The following CLASP1 variants were observed in gnomAD, a reference collection of about 807,000 sequenced individuals.
CLASP1 encodes CLIP-associating protein 1.
Under a neutral mutation model 192.3 loss-of-function variants are expected in CLASP1, and 38 were observed. The ratio of observed to expected loss-of-function variants is 0.20; its 90% CI spans 0.15 to 0.26. The LOEUF is 0.26. Among genes scored for constraint, CLASP1 ranks in the 10% least tolerant of loss-of-function variants. CLASP1 has a pLI of 1.00. For synonymous variants in CLASP1, 691 were observed against 712.8 expected (o/e 0.97, Z 0.49); for missense variants, 1,433 against 1,932.5 (o/e 0.74, Z 4.85).
chr2:121,406,783 G>T (rs1397241529), intron 25 of CLASP1, among the ~76,000 whole-genome samples: 2 of 152,062 alleles, frequency 1.3e-5, no homozygotes, highest in African/African-American at 4.8e-5. Flanking sequence ...TAGAGATGGG[G>T]TCTCCCTTTG....
chr2:121,530,927 G>GT (rs1323260662), intron 2 of CLASP1: 1 of 699,952 alleles, frequency 1.4e-6, no homozygotes, highest in Non-Finnish European at 2.6e-6. Flanking sequence ...AGCGCATAGT[G>GT]AGGGCAGTAC....
chr2:121,384,507 A>C (rs2072739758), intron 32 of CLASP1, among the ~76,000 whole-genome samples: 1 of 152,092 alleles, frequency 6.6e-6, no homozygotes, highest in South Asian at 2.1e-4. Context: ...ATTTTTAAAC[A>C]ATTATCAGAT....
intron 8 of CLASP1, among the ~76,000 whole-genome samples, chr2:121,500,401 G>A (rs868485966): frequency 4.0e-4 from 42 of 105,652 alleles, no homozygotes; most frequent in Admixed American, 9.5e-4. Flanking sequence ...AGAAAGAAAA[G>A]AAAGAAAGAA....
intron 2 of CLASP1, among the ~76,000 whole-genome samples, chr2:121,540,785 C>A (rs200661201): frequency 0.078 from 6,661 of 85,212 alleles, 182 homozygotes; most frequent in East Asian, 0.2. Context: ...AGACTCCATC[C>A]AAAAAAAAAA....
At chr2:121,435,447 T>C (rs972259350) in intron 19 of CLASP1, among the ~76,000 whole-genome samples, 3 of 152,120 alleles carry the variant, frequency 2.0e-5, no homozygotes, top group Admixed American at 6.5e-5. Flanking sequence ...GCTAATTTTG[T>C]ATTTTTAGTA....
rs1431191518 is a variant in CLASP1 at position 121,530,973 on chromosome 2, A to G, written c.196-648T>C. On this transcript the variant is annotated intron_variant, in intron 2 of 39. Transcript: ENST00000263710. ...TGAACAACACACCCGCATCAACTAGAGCTTTTGCTTTATTTTGGTGCAATT... is the reference window on the plus strand; with the variant it reads ...TGAACAACACACCCGCATCAACTAGGGCTTTTGCTTTATTTTGGTGCAATT... 1.7e-5 allele frequency: 12 copies of G among 700,210 alleles called. No individual in the cohort carries two copies. The highest frequency in any genetic ancestry group is 2.9e-5 in the Non-Finnish European group (11 of 384,830). 43.4% of individuals were successfully genotyped at this position (700,210 alleles called of 1,614,324 possible). A position where few individuals can be genotyped will look rare whatever the true frequency, so the allele number is the denominator to read the frequency against.
At chr2:121,394,032 A>T (rs1268701995) in intron 30 of CLASP1, among the ~76,000 whole-genome samples, 3 of 152,154 alleles carry the variant, frequency 2.0e-5, no homozygotes, top group Admixed American at 2.0e-4. Flanking sequence ...CCAACCCCCT[A>T]AAAGAGACAC....
At chr2:121,429,291 T>C (rs1392947511) in intron 20 of CLASP1, among the ~76,000 whole-genome samples, 1 of 152,186 alleles carries the variant, frequency 6.6e-6, no homozygotes, top group Non-Finnish European at 1.5e-5. Context: ...TAGTGAGTGC[T>C]GTGCTGTGGG....
At chr2:121,643,676 A>T (rs2106353481) in intron 1 of CLASP1, among the ~76,000 whole-genome samples, 1 of 152,342 alleles carries the variant, frequency 6.6e-6, no homozygotes, top group East Asian at 1.9e-4. Flanking sequence ...ATACATTCCA[A>T]ACTGGTAAGT....
At chr2:121,531,010 GA>G (rs1365013553) in intron 2 of CLASP1, 9 of 700,016 alleles carry the variant, frequency 1.3e-5, no homozygotes, top group Non-Finnish European at 2.3e-5. Context: ...TTGGAAAAAT[GA>G]AAACCTGTTT....
At chr2:121,531,048 G>T in intron 2 of CLASP1, 1 of 698,114 alleles carries the variant, frequency 1.4e-6, no homozygotes. Flanking sequence ...TCAAACAGCA[G>T]TAATTCGTAA....
intron 2 of CLASP1, among the ~76,000 whole-genome samples, chr2:121,540,792 A>G (rs1385055523): frequency 6.6e-6 from 1 of 152,120 alleles, no homozygotes; most frequent in South Asian, 2.1e-4. Context: ...ATCCAAAAAA[A>G]AAAAAAGCAA....
chr2:121,390,244 GGA>G (rs1376834237), intron 30 of CLASP1, among the ~76,000 whole-genome samples: 1 of 152,178 alleles, frequency 6.6e-6, no homozygotes, highest in African/African-American at 2.4e-5. Flanking sequence ...GAACTGGGCT[GGA>G]GAGATGCATT....
chr2:121,371,912 C>G (rs1383647379), intron 34 of CLASP1, among the ~76,000 whole-genome samples: 11 of 152,208 alleles, frequency 7.2e-5, no homozygotes, highest in Admixed American at 7.2e-4. Context: ...TGTTCCTCAA[C>G]TTCTTCACCC....
intron 1 of CLASP1, 61 bp from the exon 2 acceptor site, chr2:121,606,241 G>T (rs1029531234): frequency 2.6e-6 from 1 of 388,502 alleles, no homozygotes; most frequent in Non-Finnish European, 4.5e-6. Context: ...CAAATGTTAT[G>T]AAACATTAAA....
intron 22 of CLASP1, among the ~76,000 whole-genome samples, chr2:121,423,564 C>T (rs10496568): frequency 2.0e-5 from 3 of 152,048 alleles, no homozygotes; most frequent in Admixed American, 6.5e-5. Context: ...AACAGACATC[C>T]TATAAACTTA....
chr2:121,382,076 A>G (rs1370307268), intron 33 of CLASP1, 132 bp downstream of exon 34: 2 of 709,964 alleles, frequency 2.8e-6, no homozygotes, highest in Non-Finnish European at 5.1e-6. Flanking sequence ...CCAAGGCTCT[A>G]CTCCTGCTAT....
chr2:121,341,030 G>C (rs2062719730), intron 39 of CLASP1, 83 bp from the exon 41 acceptor site: 5 of 893,886 alleles, frequency 5.6e-6, no homozygotes, highest in Admixed American at 4.0e-5. Flanking sequence ...CCAGGTGACA[G>C]TAAGGAAACA....
At chr2:121,618,587 T>C (rs1172987820) in intron 1 of CLASP1, among the ~76,000 whole-genome samples, 1 of 151,840 alleles carries the variant, frequency 6.6e-6, no homozygotes, top group Admixed American at 6.6e-5. Context: ...AGACAAAATA[T>C]CATATTCATA....
Sources: allele counts gnomAD v4.1 joint callset (sites outside exome capture counted in the v4.1 genomes callset), GRCh38; gene constraint gnomAD v4.1.1; transcripts MANE v1.5; gene names NCBI Gene and HGNC (gene_info 2026-07-23, HGNC 2026-07-21).